Variants in CCDC88A observed in about 807,000 individuals in gnomAD.
The protein encoded by CCDC88A is girdin.
CCDC88A carries 54 observed loss-of-function variants against 234.3 expected under a neutral mutation model. The observed-to-expected ratio is 0.23, with a 90% CI of 0.19 to 0.29. CCDC88A has a LOEUF of 0.29. CCDC88A is among the 10% of genes least tolerant of loss of function. The pLI is 1.00. For synonymous variants in CCDC88A, 753 were observed against 737.8 expected (o/e 1.02, Z -0.33); for missense variants, 1,832 against 2,123.4 (o/e 0.86, Z 2.70).
intron 2 of CCDC88A, 75 bp downstream of exon 2, chr2:55,418,741 A>C: frequency 8.3e-7 from 1 of 1,209,460 alleles, no homozygotes; most frequent in Non-Finnish European, 1.2e-6. Flanking sequence ...TAGGGGCTTA[A>C]AACATCGTGT....
At chr2:55,301,706 G>A (rs1351853628) in intron 27 of CCDC88A, 166 bp downstream of exon 27, 6 of 635,950 alleles carry the variant, frequency 9.4e-6, no homozygotes, top group East Asian at 5.5e-5. Flanking sequence ...TTTGTATAAC[G>A]TTTTATATTT....
At chr2:55,295,512 G>A (rs760556370) in intron 31 of CCDC88A, 85 bp downstream of exon 31, 10 of 1,610,848 alleles carry the variant, frequency 6.2e-6, no homozygotes, top group Admixed American at 1.7e-5. Context: ...CATGTCTATA[G>A]CTAAATCATT....
At chr2:55,324,603 T>C (rs939110954) in intron 17 of CCDC88A, among the ~76,000 whole-genome samples, 1 of 152,196 alleles carries the variant, frequency 6.6e-6, no homozygotes, top group Admixed American at 6.5e-5. Context: ...CATTTATCTA[T>C]GTTTTCATTT....
At chr2:55,318,129 G>T (rs1683195598) in intron 19 of CCDC88A, among the ~76,000 whole-genome samples, 1 of 152,036 alleles carries the variant, frequency 6.6e-6, no homozygotes, top group African/African-American at 2.4e-5. Flanking sequence ...GCAACCATTT[G>T]TATTATATTA....
At chr2:55,413,209 A>AAAAC (rs892409527) in intron 2 of CCDC88A, among the ~76,000 whole-genome samples, 2 of 152,146 alleles carry the variant, frequency 1.3e-5, no homozygotes, top group Non-Finnish European at 2.9e-5. Flanking sequence ...TCCTGTCTCA[A>AAAAC]AAACAAACAA....
At position 55,334,495 on chromosome 2, in the gene CCDC88A, T is replaced by G; in HGVS notation, c.2326A>C (p.Asn776His). ...QRLQKTLENS[N>H]KKIQQLESEL... is the part of the protein sequence containing the mutation. ...CTCTCTAATTGCTGGATTTTTTTAT[T>G]GCTGTTCTCTAAAGTTTTTTGCAGT... Residue 776 changes from asparagine to histidine, a missense_variant, in exon 15 of 33, where the codon AAT becomes CAT. Around this residue, in one of 6 missense-constraint regions of CCDC88A, gnomAD observed 1,282 missense variants for 1,543.6 expected, o/e 0.83. Coordinates refer to ENST00000436346, the MANE Select transcript of CCDC88A (RefSeq NM_001365480.1). This position sits in a 1 kb window ranked among gnomAD's most constrained non-coding sequence, Gnocchi z 6.1. 2 of 1,607,972 alleles carry G rather than the reference T, an allele frequency of 1.2e-6. No homozygotes were observed. The highest frequency in any genetic ancestry group is 1.7e-6 in the Non-Finnish European group (2 of 1,178,482).
intron 2 of CCDC88A, among the ~76,000 whole-genome samples, chr2:55,393,519 C>T (rs2603425): frequency 6.6e-6 from 1 of 151,872 alleles, no homozygotes; most frequent in East Asian, 1.9e-4. Context: ...ATCTCAGCCT[C>T]TTGACCTCAA....
At position 55,363,933 on chromosome 2, in the gene CCDC88A, T is replaced by C; in HGVS notation, c.486+17A>G. The C allele has an allele frequency of 1.4e-6, 2 of 1,428,842 alleles. No homozygotes were observed. Among genetic ancestry groups the C allele is most frequent in the Non-Finnish European group, 2.0e-6 (2 of 1,025,400 alleles). 88.5% of individuals were successfully genotyped at this position (1,428,842 alleles called of 1,614,324 possible). A position where few individuals can be genotyped will look rare whatever the true frequency, so the allele number is the denominator to read the frequency against. On this transcript the variant is annotated intron_variant, in intron 6 of 32. Coordinates refer to ENST00000436346, the MANE Select transcript of CCDC88A (RefSeq NM_001365480.1). ...AAGCTTCATAAATAGCACGTAAAAT[T>C]GTATATATGTCATTACCTCTTGAAT...
intron 2 of CCDC88A, among the ~76,000 whole-genome samples, chr2:55,410,510 T>A (rs1279359193): frequency 2.0e-5 from 3 of 152,212 alleles, no homozygotes; most frequent in Non-Finnish European, 4.4e-5. Context: ...TGGATGCTTA[T>A]CCTGGATCTT....
chr2:55,402,917 G>C (rs1236310319), intron 2 of CCDC88A, among the ~76,000 whole-genome samples: 1 of 151,950 alleles, frequency 6.6e-6, no homozygotes, highest in Non-Finnish European at 1.5e-5. Context: ...GCTGAGGCAG[G>C]AGAATGGCGT....
In CCDC88A at chr2:55,347,606, C is replaced by CTTTTTTTTTTTTTTTTTTTT. The variant is rs547733323; in HGVS notation, c.883-1293_883-1274dup. Among the ~76,000 whole-genome samples the CTTTTTTTTTTTTTTTTTTTT allele has an allele frequency of 2.3e-4, 23 of 102,152 alleles. 6 individuals are homozygous for CTTTTTTTTTTTTTTTTTTTT. In the East Asian group the frequency reaches 2.4e-3, roughly 11 times the overall value. The allele number at this position is 102,152 out of a possible 152,430, so 67.0% of individuals were successfully genotyped here. A position where few individuals can be genotyped will look rare whatever the true frequency, so the allele number is the denominator to read the frequency against. On this transcript the variant is annotated intron_variant, in intron 9 of 32. Coordinates refer to ENST00000436346, the MANE Select transcript of CCDC88A (RefSeq NM_001365480.1). The stretch of plus-strand genomic sequence containing the variant: ...ATACCTATGTTATCTATTCATCTAC[C>CTTTTTTTTTTTTTTTTTTTT]TTTTTTTTTTTTTTTTTTTTGAGAC...
chr2:55,300,017 C>T (rs1200269132), intron 28 of CCDC88A, 98 bp from the exon 29 acceptor site: 1 of 822,502 alleles, frequency 1.2e-6, no homozygotes, highest in Non-Finnish European at 2.1e-6. Flanking sequence ...AGGAAGCAAT[C>T]ATGCATACTT....
intron 3 of CCDC88A, among the ~76,000 whole-genome samples, chr2:55,387,465 G>T (rs1675856524): frequency 6.6e-6 from 1 of 151,832 alleles, no homozygotes; most frequent in Admixed American, 6.6e-5. Context: ...TTTAAACCAG[G>T]AGAAAGGAAA....
chr2:55,346,901 T>C (rs1210430316), intron 9 of CCDC88A, among the ~76,000 whole-genome samples: 3 of 152,168 alleles, frequency 2.0e-5, no homozygotes, highest in Non-Finnish European at 2.9e-5. Flanking sequence ...TTTAAACATA[T>C]ATATACATTT....
At chr2:55,374,723 G>T in intron 4 of CCDC88A, 91 bp downstream of exon 4, 1 of 689,596 alleles carries the variant, frequency 1.5e-6, no homozygotes, top group Non-Finnish European at 2.5e-6. Context: ...AATCTAGTGA[G>T]TTAATGTATA....
chr2:55,341,090 A>T (rs1668411200), intron 12 of CCDC88A, among the ~76,000 whole-genome samples: 1 of 150,898 alleles, frequency 6.6e-6, no homozygotes, highest in African/African-American at 2.4e-5. Context: ...TTCACTTAAC[A>T]TAATGCCCTT....
At chr2:55,300,115 T>C in intron 28 of CCDC88A, 196 bp from the exon 29 acceptor site, 1 of 525,710 alleles carries the variant, frequency 1.9e-6, no homozygotes, top group South Asian at 2.2e-5. Context: ...GAAACAATAG[T>C]TGAGATTCAA....
chr2:55,299,204 AAAAC>A (rs1252943031), intron 29 of CCDC88A, among the ~76,000 whole-genome samples: 25 of 152,316 alleles, frequency 1.6e-4, no homozygotes, highest in East Asian at 5.8e-4. Context: ...ACTCCGTCTC[AAAAC>A]AAACAAACAA....
chr2:55,371,659 G>A (rs898649194), intron 5 of CCDC88A, among the ~76,000 whole-genome samples: 7 of 152,066 alleles, frequency 4.6e-5, no homozygotes, highest in African/African-American at 7.2e-5. Flanking sequence ...ATTATTATAT[G>A]TATTTAAAAC....
Sources: gnomAD v4.1 joint callset for allele counts (sites outside exome capture counted in the v4.1 genomes callset) on GRCh38, gnomAD v4.1.1 for gene constraint, gnomAD v4.1.1 regional missense constraint, Gnocchi (gnomAD v3.1) non-coding constraint, MANE v1.5 for transcripts, NCBI Gene and HGNC (gene_info 2026-07-23, HGNC 2026-07-21) for gene names.